Variants in PHACTR1 observed in about 807,000 individuals in gnomAD.
The protein encoded by PHACTR1 is RPEL repeat containing 1.
A neutral mutation model predicts 69.2 loss-of-function variants in PHACTR1; 16 were observed. The ratio of observed to expected loss-of-function variants is 0.23; its 90% confidence interval spans 0.16 to 0.35. The LOEUF is 0.35. PHACTR1 is among the 10% of genes least tolerant of loss of function. The probability of loss-of-function intolerance (pLI) is 1.00; values close to 1 mark genes in which losing one functional copy is unlikely to be tolerated. For missense variants in PHACTR1, 510 were observed against 734.7 expected, an observed-to-expected ratio of 0.69 and a Z score of 3.54; for synonymous variants, 312 against 284.5, an observed-to-expected ratio of 1.10 and a Z score of -0.97.
chr6:12,849,506 A>T (rs1248928054), intron 4 of PHACTR1, among the ~76,000 whole-genome samples: 1 of 152,182 alleles, frequency 6.6e-6, no homozygotes, highest in Non-Finnish European at 1.5e-5. Flanking sequence ...TCTAGATAGC[A>T]CACAGTAATG....
chr6:13,239,966 T>G (rs1374194032), intron 10 of PHACTR1, among the ~76,000 whole-genome samples: 1 of 151,872 alleles, frequency 6.6e-6, no homozygotes, highest in African/African-American at 2.4e-5. Context: ...TTTTCAGTGA[T>G]ACAGTAAGTG....
intron 10 of PHACTR1, among the ~76,000 whole-genome samples, chr6:13,241,128 A>G (rs117138274): frequency 6.6e-6 from 1 of 152,336 alleles, no homozygotes; most frequent in East Asian, 1.9e-4. Flanking sequence ...TGGACTGTAG[A>G]GTTCCACAGT....
chr6:13,247,058 A>G (rs1281285342), intron 10 of PHACTR1, among the ~76,000 whole-genome samples: 2 of 152,220 alleles, frequency 1.3e-5, no homozygotes, highest in Admixed American at 1.3e-4. Context: ...CCTTTGAAAT[A>G]TAAGTGAATA....
chr6:12,983,225 T>C (rs879517837), intron 4 of PHACTR1, among the ~76,000 whole-genome samples: 1 of 152,190 alleles, frequency 6.6e-6, no homozygotes, highest in Non-Finnish European at 1.5e-5. Context: ...AAAAAGATTA[T>C]GAACAAGTAG....
chr6:13,231,297 C>T (rs1166402853), intron 10 of PHACTR1, among the ~76,000 whole-genome samples: 1 of 30,388 alleles, frequency 3.3e-5, no homozygotes, highest in Non-Finnish European at 5.3e-5. Context: ...AAAGAGAGAG[C>T]GAAAGAGAAG....
chr6:13,065,556 G>A (rs957840725), intron 5 of PHACTR1, among the ~76,000 whole-genome samples: 1 of 152,140 alleles, frequency 6.6e-6, no homozygotes, highest in Non-Finnish European at 1.5e-5. Flanking sequence ...GTAAATGAGA[G>A]GAGAGGAGGT....
chr6:13,191,481 A>G (rs1763588718), intron 7 of PHACTR1, among the ~76,000 whole-genome samples: 1 of 152,212 alleles, frequency 6.6e-6, no homozygotes, highest in Non-Finnish European at 1.5e-5. Flanking sequence ...GGGTTTCTGC[A>G]GAAAGGCAAA....
rs934911806 is a variant in PHACTR1, at chr6:12,955,471, T to C, written c.251-97894T>C. ...CTCCCAAAGCACTGGGATTACAGGA[T>C]TGAGCCACCATGCCTGGCCCCACAT... On this transcript the variant is annotated intron_variant, in intron 4 of 14. Transcript: ENST00000332995. 2.0e-5 allele frequency among the ~76,000 whole-genome samples: 3 copies of C among 152,232 alleles called. 1 individual carries two copies. The highest frequency in any genetic ancestry group is 6.8e-3 in the Middle Eastern group (2 of 294).
At chr6:13,195,493 A>AT in intron 7 of PHACTR1, among the ~76,000 whole-genome samples, 1 of 152,078 alleles carries the variant, frequency 6.6e-6, no homozygotes, top group Non-Finnish European at 1.5e-5. Context: ...GCGGTGGCTC[A>AT]TGCCTGTAAT....
intron 8 of PHACTR1, among the ~76,000 whole-genome samples, chr6:13,206,660 T>C (rs1177123397): frequency 3.3e-5 from 5 of 152,208 alleles, no homozygotes; most frequent in Admixed American, 2.6e-4. Context: ...ATTATTCCAG[T>C]TCCGGGTGGT....
At chr6:13,208,632 C>G (rs972765010) in intron 8 of PHACTR1, among the ~76,000 whole-genome samples, 2 of 137,816 alleles carry the variant, frequency 1.5e-5, no homozygotes, top group South Asian at 2.3e-4. Flanking sequence ...TTGCTGCCCA[C>G]CCCCCCAACC....
chr6:13,024,080 GAA>G (rs59385709), intron 4 of PHACTR1, among the ~76,000 whole-genome samples: 3,466 of 131,216 alleles, frequency 0.026, 154 homozygotes, highest in African/African-American at 0.086. Flanking sequence ...CTGTCTCAAA[GAA>G]AAAAAAAAAA....
intron 4 of PHACTR1, among the ~76,000 whole-genome samples, chr6:12,984,371 A>G (rs1339794911): frequency 1.3e-5 from 2 of 152,220 alleles, no homozygotes; most frequent in Non-Finnish European, 2.9e-5. Context: ...CATTGGAGGT[A>G]GTTAAGGAGG....
chr6:13,231,099 G>A (rs1240793733), intron 10 of PHACTR1, among the ~76,000 whole-genome samples: 16,185 of 77,358 alleles, frequency 0.21, 5,681 homozygotes, highest in Non-Finnish European at 0.29. Flanking sequence ...AGGAAGGAAG[G>A]GAAAAGAAAG....
At chr6:13,093,574 G>A (rs981778455) in intron 5 of PHACTR1, among the ~76,000 whole-genome samples, 3 of 152,144 alleles carry the variant, frequency 2.0e-5, no homozygotes, top group Admixed American at 1.3e-4. Context: ...TATACCCTCC[G>A]CACTAACATA....
chr6:13,242,030 T>C, intron 10 of PHACTR1, among the ~76,000 whole-genome samples: 1 of 135,954 alleles, frequency 7.4e-6, no homozygotes, highest in African/African-American at 3.2e-5. Flanking sequence ...AGTGAGATTC[T>C]GTCTCAAAAA....
intron 4 of PHACTR1, among the ~76,000 whole-genome samples, chr6:12,986,019 A>G (rs931107650): frequency 6.6e-6 from 1 of 152,068 alleles, no homozygotes; most frequent in African/African-American, 2.4e-5. Context: ...TATTTCTAGT[A>G]GAGAGGGGAT....
intron 4 of PHACTR1, among the ~76,000 whole-genome samples, chr6:13,009,126 C>T (rs985553285): frequency 5.9e-5 from 9 of 152,162 alleles, no homozygotes; most frequent in Non-Finnish European, 1.3e-4. Flanking sequence ...CCTCTGTGTG[C>T]CTTTTATAAA....
intron 6 of PHACTR1, among the ~76,000 whole-genome samples, chr6:13,182,158 G>A (rs4715139): frequency 0.24 from 36,668 of 151,970 alleles, 5,383 homozygotes; most frequent in Admixed American, 0.36. Context: ...GCTTGAACCC[G>A]GGAGGCGGAT....
Sources: allele counts gnomAD v4.1 joint callset (sites outside exome capture counted in the v4.1 genomes callset), GRCh38; gene constraint gnomAD v4.1.1; transcripts MANE v1.5; gene names NCBI Gene and HGNC (gene_info 2026-07-23, HGNC 2026-07-21).